Variants in STK39 observed in about 807,000 individuals in gnomAD.
STK39 encodes serine/threonine kinase 39.
A neutral mutation model predicts 77.8 loss-of-function variants in STK39; 20 were observed. That is an observed-to-expected ratio of 0.26 (90% CI 0.18 to 0.37). The LOEUF (loss-of-function observed/expected upper bound fraction) is 0.37. STK39 is among the 10% of genes least tolerant of loss of function. The pLI is 1.00. For synonymous variants in STK39, 246 were observed against 234.1 expected (o/e 1.05, Z -0.47); for missense variants, 479 against 656.5 (o/e 0.73, Z 2.95).
At chr2:168,144,325 A>T (rs1281438411) in intron 5 of STK39, among the ~76,000 whole-genome samples, 2 of 151,968 alleles carry the variant, frequency 1.3e-5, no homozygotes, top group Non-Finnish European at 2.9e-5. Flanking sequence ...TTTTTTTGAA[A>T]CAGAGTCTCG....
chr2:168,200,768 C>T (rs547492426), intron 1 of STK39, among the ~76,000 whole-genome samples: 1 of 152,166 alleles, frequency 6.6e-6, no homozygotes, highest in South Asian at 2.1e-4. Flanking sequence ...TTTTCACTAC[C>T]ATTTAACCAT....
chr2:168,231,195 T>C (rs1285046388), intron 1 of STK39, among the ~76,000 whole-genome samples: 1 of 152,244 alleles, frequency 6.6e-6, no homozygotes, highest in Non-Finnish European at 1.5e-5. Flanking sequence ...GGTTACATAC[T>C]TATTCCAATA....
chr2:168,105,264 TC>T (rs1400134398), intron 10 of STK39, among the ~76,000 whole-genome samples: 1 of 152,178 alleles, frequency 6.6e-6, no homozygotes, highest in Admixed American at 6.5e-5. Flanking sequence ...CTGATGAACT[TC>T]ACAGCTTCTC....
chr2:168,220,011 G>A (rs1690126013), intron 1 of STK39, among the ~76,000 whole-genome samples: 1 of 151,990 alleles, frequency 6.6e-6, no homozygotes, highest in South Asian at 2.1e-4. Context: ...AAGAGATGGA[G>A]AGCCTTCCTT....
intron 2 of STK39, among the ~76,000 whole-genome samples, chr2:168,175,601 A>G (rs1221462182): frequency 6.6e-6 from 1 of 152,226 alleles, no homozygotes; most frequent in Non-Finnish European, 1.5e-5. Context: ...CATGTTCCTA[A>G]GCTAATACAA....
At chr2:168,205,734 G>GCTT (rs1689725180) in intron 1 of STK39, among the ~76,000 whole-genome samples, 1 of 152,118 alleles carries the variant, frequency 6.6e-6, no homozygotes, top group Non-Finnish European at 1.5e-5. Context: ...TGGGAGAATA[G>GCTT]CTTGAGCCCA....
intron 17 of STK39, among the ~76,000 whole-genome samples, chr2:167,956,692 A>T (rs1046218835): frequency 8.1e-4 from 37 of 45,766 alleles, no homozygotes; most frequent in Middle Eastern, 7.2e-3. Context: ...ACACACACAC[A>T]CACACTCTCT....
chr2:167,963,743 C>T (rs1372317956), intron 17 of STK39, among the ~76,000 whole-genome samples: 1 of 152,100 alleles, frequency 6.6e-6, no homozygotes, highest in Admixed American at 6.5e-5. Flanking sequence ...AAGCAAGACC[C>T]AGGAAGTTAA....
intron 5 of STK39, among the ~76,000 whole-genome samples, chr2:168,146,932 A>G (rs1370103590): frequency 6.6e-6 from 1 of 152,234 alleles, no homozygotes; most frequent in African/African-American, 2.4e-5. Flanking sequence ...AAAAGATTAG[A>G]TGACTTGCCA....
intron 16 of STK39, among the ~76,000 whole-genome samples, chr2:167,977,147 T>A (rs1236705088): frequency 6.6e-6 from 1 of 152,208 alleles, no homozygotes; most frequent in East Asian, 1.9e-4. Context: ...AATGTCTGAT[T>A]CGGTTTGGCG....
chr2:168,038,353 T>C (rs1685012171), intron 14 of STK39, among the ~76,000 whole-genome samples: 3 of 151,700 alleles, frequency 2.0e-5, no homozygotes, highest in Admixed American at 2.0e-4. Flanking sequence ...AGTGTGTATC[T>C]GGAAGGAAAC....
At chr2:168,140,906 A>G in intron 5 of STK39, 148 bp from the exon 6 acceptor site, 1 of 615,122 alleles carries the variant, frequency 1.6e-6, no homozygotes, top group Non-Finnish European at 2.7e-6. Flanking sequence ...AGGAAAAAAA[A>G]GGAAGACCTG....
At chr2:168,039,667 T>C (rs1685053962) in intron 14 of STK39, among the ~76,000 whole-genome samples, 1 of 151,750 alleles carries the variant, frequency 6.6e-6, no homozygotes, top group Non-Finnish European at 1.5e-5. Flanking sequence ...GAGGAATGGA[T>C]TGCAAAAGGG....
intron 16 of STK39, among the ~76,000 whole-genome samples, chr2:167,991,018 T>C (rs1311062117): frequency 1.3e-5 from 2 of 152,138 alleles, no homozygotes; most frequent in Non-Finnish European, 2.9e-5. Flanking sequence ...ATGGTGTAAA[T>C]AGCTTCAATT....
At chr2:168,155,140 G>A (rs924271700) in intron 5 of STK39, among the ~76,000 whole-genome samples, 2 of 152,262 alleles carry the variant, frequency 1.3e-5, no homozygotes, top group South Asian at 2.1e-4. Flanking sequence ...GCAGCTAAAC[G>A]TGCAGAGCTG....
At chr2:168,045,626 C>T (rs1421665317) in intron 14 of STK39, among the ~76,000 whole-genome samples, 1 of 152,192 alleles carries the variant, frequency 6.6e-6, no homozygotes, top group African/African-American at 2.4e-5. Context: ...AGAAGAATGA[C>T]TGTGACAGTG....
chr2:168,229,897 T>C (rs1690408331), intron 1 of STK39, among the ~76,000 whole-genome samples: 1 of 152,194 alleles, frequency 6.6e-6, no homozygotes, highest in African/African-American at 2.4e-5. Flanking sequence ...TTAGATTGTT[T>C]AGCAAGCGAT....
intron 1 of STK39, among the ~76,000 whole-genome samples, chr2:168,218,686 C>T (rs1003288123): frequency 6.6e-6 from 1 of 152,126 alleles, no homozygotes; most frequent in Non-Finnish European, 1.5e-5. Context: ...CAGAAGAACA[C>T]AGAATACACT....
chr2:168,181,874 A>G (rs1325726420), intron 2 of STK39, 104 bp downstream of exon 2: 7 of 907,536 alleles, frequency 7.7e-6, no homozygotes, highest in South Asian at 6.0e-5. Flanking sequence ...CAAGAAATGC[A>G]TATGTCAAAA....
Sources: gnomAD v4.1 joint callset for allele counts (sites outside exome capture counted in the v4.1 genomes callset) on GRCh38, gnomAD v4.1.1 for gene constraint, MANE v1.5 for transcripts, NCBI Gene and HGNC (gene_info 2026-07-23, HGNC 2026-07-21) for gene names.